Variants in OSBPL1A observed in about 807,000 individuals in gnomAD.
OSBPL1A encodes oxysterol binding protein like 1A.
Under a neutral mutation model 137.1 loss-of-function variants are expected in OSBPL1A, and 80 were observed. The ratio of observed to expected loss-of-function variants is 0.58; its 90% CI spans 0.49 to 0.70. The LOEUF (loss-of-function observed/expected upper bound fraction) is 0.70, where lower values mean the gene tolerates loss of function less well. Among genes scored for constraint, OSBPL1A ranks in the 30% least tolerant of loss-of-function variants. OSBPL1A has a pLI of 0.00. For missense variants in OSBPL1A, 970 were observed against 1,129.4 expected, an observed-to-expected ratio of 0.86 and a Z score of 2.02; for synonymous variants, 365 against 389.7, an observed-to-expected ratio of 0.94 and a Z score of 0.75.
intron 1 of OSBPL1A, among the ~76,000 whole-genome samples, chr18:24,384,657 G>T (rs1906822756): frequency 6.6e-6 from 1 of 151,200 alleles, no homozygotes; most frequent in African/African-American, 2.5e-5. Context: ...ATCACCTGAG[G>T]TCAGGAGTTC....
chr18:24,333,204 G>C, intron 6 of OSBPL1A, 118 bp from the exon 7 acceptor site: 1 of 1,134,416 alleles, frequency 8.8e-7, no homozygotes, highest in Non-Finnish European at 1.2e-6. Context: ...TGGCATCCAG[G>C]CTGTTAGTGG....
intron 17 of OSBPL1A, among the ~76,000 whole-genome samples, chr18:24,217,917 G>T (rs775793472): frequency 6.6e-6 from 1 of 151,900 alleles, no homozygotes; most frequent in African/African-American, 2.4e-5. Flanking sequence ...AGGAGTAAAA[G>T]AACATGTGGA....
rs951568320 is a variant in OSBPL1A at position 24,170,239 on chromosome 18, G to A, written c.2418+88C>T. The stretch of plus-strand genomic sequence containing the variant: ...CAACAAGGAAGAAGAAAGTTAAACT[G>A]TGACCCTAGAACAGGCCACCTCCAA... On this transcript the variant is annotated intron_variant, in intron 24 of 27. Transcript: ENST00000319481. 20 of 1,436,234 alleles carry A rather than the reference G, an allele frequency of 1.4e-5. No individual in the cohort carries two copies. The African/African-American group carries it at 2.9e-4, about 21-fold the overall frequency. 89.0% of individuals were successfully genotyped at this position (1,436,234 alleles called of 1,614,324 possible). A position where few individuals can be genotyped will look rare whatever the true frequency, so the allele number is the denominator to read the frequency against.
At chr18:24,174,891 G>GCT (rs2086383938) in intron 21 of OSBPL1A, among the ~76,000 whole-genome samples, 1 of 151,306 alleles carries the variant, frequency 6.6e-6, no homozygotes, top group East Asian at 1.9e-4. Context: ...TCCTGCCTTA[G>GCT]CTTCCCTAGT....
intron 17 of OSBPL1A, chr18:24,218,269 T>C (rs1259451125): frequency 6.6e-6 from 1 of 152,198 alleles, no homozygotes; most frequent in Non-Finnish European, 1.5e-5. Context: ...GTTTTAGAGA[T>C]ACATACTGAG....
At chr18:24,339,206 A>G (rs1318482670) in intron 5 of OSBPL1A, among the ~76,000 whole-genome samples, 2 of 151,654 alleles carry the variant, frequency 1.3e-5, no homozygotes, top group African/African-American at 4.8e-5. Context: ...TTCTGACCTC[A>G]AGTGATCTGC....
chr18:24,329,542 T>C, intron 7 of OSBPL1A, among the ~76,000 whole-genome samples: 2 of 140,022 alleles, frequency 1.4e-5, no homozygotes, highest in Non-Finnish European at 1.5e-5. Flanking sequence ...AGAGTGAAAC[T>C]CTGTCAAAAA....
intron 2 of OSBPL1A, among the ~76,000 whole-genome samples, chr18:24,374,189 A>G (rs908147183): frequency 1.3e-5 from 2 of 152,210 alleles, no homozygotes; most frequent in African/African-American, 4.8e-5. Flanking sequence ...CATAACAAAG[A>G]TATTTTAAAA....
intron 17 of OSBPL1A, among the ~76,000 whole-genome samples, chr18:24,203,187 G>T (rs1379765250): frequency 2.6e-5 from 4 of 151,890 alleles, no homozygotes; most frequent in Non-Finnish European, 5.9e-5. Flanking sequence ...ATGTTAGCCA[G>T]GCTGGTCTCG....
At chr18:24,396,741 C>T (rs1907769117) in intron 1 of OSBPL1A, among the ~76,000 whole-genome samples, 1 of 152,102 alleles carries the variant, frequency 6.6e-6, no homozygotes. Context: ...GCAAAAAATT[C>T]ATTGTATCGG....
chr18:24,187,488 T>C (rs1243956443), intron 18 of OSBPL1A, among the ~76,000 whole-genome samples: 1 of 152,188 alleles, frequency 6.6e-6, no homozygotes, highest in Non-Finnish European at 1.5e-5. Context: ...TACTACCTAC[T>C]GCTTGCGTGG....
At position 24,271,632 on chromosome 18, in the gene OSBPL1A, TCCGAGGACCCCGG is replaced by T; in HGVS notation, c.1281+9197_1281+9209del. On this transcript the variant is annotated intron_variant, in intron 15 of 27. Transcript: ENST00000319481. This position sits in a 1 kb window ranked among gnomAD's most constrained non-coding sequence, Gnocchi z 4.0. ...AATACACCCACCTACCTGGGCCAGA[TCCGAGGACCCCGG>T]CTGGCGCGCTCCACCCTGCGCTCCT... 1 of 985,790 alleles carries T rather than the reference TCCGAGGACCCCGG, an allele frequency of 1.0e-6. No homozygotes were observed. Among genetic ancestry groups the T allele is most frequent in the Non-Finnish European group, 1.2e-6 (1 of 830,238 alleles). 61.1% of individuals were successfully genotyped at this position (985,790 alleles called of 1,614,324 possible).
intron 16 of OSBPL1A, 53 bp from the exon 17 acceptor site, chr18:24,225,251 C>G: frequency 1.3e-6 from 2 of 1,592,762 alleles, no homozygotes; most frequent in Non-Finnish European, 1.7e-6. Flanking sequence ...GTGAGGCTTC[C>G]GTAACAATGG....
chr18:24,179,909 G>A, intron 19 of OSBPL1A, 74 bp from the exon 20 acceptor site: 2 of 1,151,272 alleles, frequency 1.7e-6, no homozygotes, highest in Non-Finnish European at 2.6e-6. Flanking sequence ...CTGAAATTTT[G>A]CTGAAGACAG....
intron 14 of OSBPL1A, among the ~76,000 whole-genome samples, chr18:24,300,874 A>G (rs531309620): frequency 6.6e-6 from 1 of 152,132 alleles, no homozygotes; most frequent in Non-Finnish European, 1.5e-5. Context: ...CTGCAGTGCA[A>G]TCACATGACC....
At chr18:24,190,227 A>T (rs1257579169) in intron 18 of OSBPL1A, among the ~76,000 whole-genome samples, 2 of 151,736 alleles carry the variant, frequency 1.3e-5, no homozygotes, top group African/African-American at 4.8e-5. Context: ...GCTTTAAGGG[A>T]ATCTACTTCC....
At chr18:24,278,607 T>C (rs1352583806) in intron 15 of OSBPL1A, among the ~76,000 whole-genome samples, 1 of 152,172 alleles carries the variant, frequency 6.6e-6, no homozygotes, top group African/African-American at 2.4e-5. Context: ...AATAGGTTGA[T>C]TGCTTCAGAA....
chr18:24,202,087 C>T (rs1164753309), intron 17 of OSBPL1A, among the ~76,000 whole-genome samples: 2 of 152,132 alleles, frequency 1.3e-5, no homozygotes, highest in African/African-American at 4.8e-5. Flanking sequence ...CATATATTTA[C>T]TGAGACATCC....
At chr18:24,229,704 T>C (rs2145994277) in intron 16 of OSBPL1A, among the ~76,000 whole-genome samples, 1 of 152,284 alleles carries the variant, frequency 6.6e-6, no homozygotes, top group South Asian at 2.1e-4. Flanking sequence ...GTAAAACAAA[T>C]CAGTGCTACA....
Sources: gnomAD v4.1 joint callset for allele counts (sites outside exome capture counted in the v4.1 genomes callset) on GRCh38, gnomAD v4.1.1 for gene constraint, Gnocchi (gnomAD v3.1) non-coding constraint, MANE v1.5 for transcripts, NCBI Gene and HGNC (gene_info 2026-07-23, HGNC 2026-07-21) for gene names.